Variants in EXT1 observed in about 807,000 individuals in gnomAD.
The protein encoded by EXT1 is exostosin-1.
Under a neutral mutation model 82.5 loss-of-function variants are expected in EXT1, and 20 were observed. The observed-to-expected ratio is 0.24, with a 90% CI of 0.17 to 0.35. The LOEUF (loss-of-function observed/expected upper bound fraction) is 0.35, where lower values mean the gene tolerates loss of function less well. Ranked by LOEUF, EXT1 falls within the 10% of genes least tolerant of loss-of-function variation. The pLI, the probability that EXT1 is intolerant of heterozygous loss-of-function variation, is 1.00. For synonymous variants in EXT1, 348 were observed against 350.8 expected, an observed-to-expected ratio of 0.99 and a Z score of 0.09; for missense variants, 757 against 936.5, an observed-to-expected ratio of 0.81 and a Z score of 2.50.
At chr8:117,996,786 CAG>C (rs1362396312) in intron 1 of EXT1, among the ~76,000 whole-genome samples, 2 of 152,170 alleles carry the variant, frequency 1.3e-5, no homozygotes, top group Admixed American at 6.5e-5. Context: ...AGAGGACAAA[CAG>C]AAATTGTTCA....
At chr8:117,933,732 A>C (rs1814105477) in intron 1 of EXT1, among the ~76,000 whole-genome samples, 3 of 152,194 alleles carry the variant, frequency 2.0e-5, no homozygotes, top group Admixed American at 2.0e-4. Flanking sequence ...TGAACAAATG[A>C]AGGAAGAAAC....
At chr8:117,862,790 G>A (rs371968205) in intron 1 of EXT1, among the ~76,000 whole-genome samples, 3 of 145,446 alleles carry the variant, frequency 2.1e-5, no homozygotes, top group African/African-American at 7.3e-5. Flanking sequence ...GTAAAGATGG[G>A]GTGCTCAGAA....
chr8:117,818,681 G>C (rs1271536246), intron 6 of EXT1, 151 bp from the exon 7 acceptor site: 1 of 670,070 alleles, frequency 1.5e-6, no homozygotes, highest in African/African-American at 1.8e-5. Context: ...GTTTTAAAGT[G>C]AGTCCATTCC....
chr8:117,949,331 TCCA>T (rs1814446504), intron 1 of EXT1, among the ~76,000 whole-genome samples: 1 of 152,054 alleles, frequency 6.6e-6, no homozygotes, highest in Non-Finnish European at 1.5e-5. Flanking sequence ...AATCGATGCA[TCCA>T]TCATAAGCCT....
At chr8:117,918,157 G>A (rs887022659) in intron 1 of EXT1, among the ~76,000 whole-genome samples, 3 of 152,202 alleles carry the variant, frequency 2.0e-5, no homozygotes, top group African/African-American at 7.2e-5. Context: ...TACACTGAAT[G>A]TGAAGTTGGT....
chr8:117,832,118 T>G (rs1407291519), intron 3 of EXT1, among the ~76,000 whole-genome samples: 1 of 152,204 alleles, frequency 6.6e-6, no homozygotes, highest in East Asian at 1.9e-4. Flanking sequence ...AGAAAAAAAC[T>G]ATCCTGTTCA....
At chr8:118,109,173 A>G (rs2130038611) in intron 1 of EXT1, among the ~76,000 whole-genome samples, 1 of 152,294 alleles carries the variant, frequency 6.6e-6, no homozygotes, top group Non-Finnish European at 1.5e-5. Context: ...GAAAAGGTCT[A>G]CAAAGTAACC....
chr8:117,837,818 G>T (rs1812211686), intron 1 of EXT1, among the ~76,000 whole-genome samples: 1 of 150,934 alleles, frequency 6.6e-6, no homozygotes, highest in East Asian at 1.9e-4. Flanking sequence ...AAGGATGCTA[G>T]CCTAAGAAAG....
At chr8:117,837,735 C>T (rs1328097033) in intron 1 of EXT1, among the ~76,000 whole-genome samples, 2 of 151,916 alleles carry the variant, frequency 1.3e-5, no homozygotes, top group African/African-American at 4.8e-5. Context: ...CAAGAACGTT[C>T]AGTTACCCAG....
At chr8:118,035,307 C>G (rs10216949) in intron 1 of EXT1, among the ~76,000 whole-genome samples, 71,905 of 151,796 alleles carry the variant, frequency 0.47, 17,795 homozygotes, top group African/African-American at 0.6. Context: ...GGTAGGCCTG[C>G]AATTCCAAAC....
chr8:117,962,888 T>C (rs920840911), intron 1 of EXT1, among the ~76,000 whole-genome samples: 7 of 152,096 alleles, frequency 4.6e-5, no homozygotes, highest in Non-Finnish European at 8.8e-5. Flanking sequence ...ATTGCACTGC[T>C]GCACTCCAGC....
At chr8:117,983,849 A>AT (rs1256834287) in intron 1 of EXT1, among the ~76,000 whole-genome samples, 1 of 152,188 alleles carries the variant, frequency 6.6e-6, no homozygotes, top group East Asian at 1.9e-4. Context: ...CATACTCTGA[A>AT]TTTATCAACG....
chr8:117,907,773 A>C (rs1813569897), intron 1 of EXT1, among the ~76,000 whole-genome samples: 1 of 152,204 alleles, frequency 6.6e-6, no homozygotes, highest in East Asian at 1.9e-4. Context: ...TAAAAAAAAA[A>C]TTAATGGGTA....
intron 1 of EXT1, among the ~76,000 whole-genome samples, chr8:117,897,490 C>T (rs1813362222): frequency 6.6e-6 from 1 of 151,940 alleles, no homozygotes; most frequent in South Asian, 2.1e-4. Flanking sequence ...GTCATATTGG[C>T]TAAGGACTTG....
At chr8:117,957,319 T>G (rs1814607304) in intron 1 of EXT1, among the ~76,000 whole-genome samples, 1 of 152,244 alleles carries the variant, frequency 6.6e-6, no homozygotes, top group Non-Finnish European at 1.5e-5. Context: ...TTGACTAAGT[T>G]GCAAACTATG....
intron 1 of EXT1, among the ~76,000 whole-genome samples, chr8:117,971,586 A>G (rs1185412161): frequency 6.6e-6 from 1 of 152,240 alleles, no homozygotes; most frequent in East Asian, 1.9e-4. Context: ...CGAAGTTTAT[A>G]AGCTCTTTGT....
At chr8:118,044,639 T>G (rs548305647) in intron 1 of EXT1, among the ~76,000 whole-genome samples, 1 of 152,216 alleles carries the variant, frequency 6.6e-6, no homozygotes, top group Non-Finnish European at 1.5e-5. Context: ...ACTCCCAACC[T>G]CAGGTGATCT....
chr8:117,806,919 G>C (rs1181245676), intron 9 of EXT1, among the ~76,000 whole-genome samples: 1 of 152,136 alleles, frequency 6.6e-6, no homozygotes, highest in East Asian at 1.9e-4. Context: ...TGCTGACTTA[G>C]GTATTTACTT....
chr8:117,815,842 A>G (rs1053055813), intron 7 of EXT1, among the ~76,000 whole-genome samples: 1 of 151,878 alleles, frequency 6.6e-6, no homozygotes, highest in Admixed American at 6.6e-5. Context: ...AGGCAGGAGA[A>G]TCGCTTGAAC....
Sources: allele counts gnomAD v4.1 joint callset (sites outside exome capture counted in the v4.1 genomes callset), GRCh38; gene constraint gnomAD v4.1.1; transcripts MANE v1.5; gene names NCBI Gene and HGNC (gene_info 2026-07-23, HGNC 2026-07-21).